Variants in CDK15 observed in about 807,000 individuals in gnomAD.
The protein encoded by CDK15 is cyclin-dependent kinase 15.
CDK15 carries 62 observed loss-of-function variants against 60.3 expected under a neutral mutation model. That is an observed-to-expected ratio of 1.03 (90% confidence interval 0.84 to 1.27). The LOEUF is 1.27. Ranked by LOEUF, CDK15 falls within the 50% of genes most tolerant of loss-of-function variation. The pLI is 0.00. For missense variants in CDK15, 541 were observed against 527.8 expected, an observed-to-expected ratio of 1.03 and a Z score of -0.25; for synonymous variants, 194 against 195.7, an observed-to-expected ratio of 0.99 and a Z score of 0.07.
At chr2:201,876,604 T>C (rs1308698057) in intron 11 of CDK15, 2 of 1,286,120 alleles carry the variant, frequency 1.6e-6, no homozygotes, top group South Asian at 1.2e-5. Context: ...AGTGCAGCAG[T>C]CATAGTTCAG....
At position 201,832,259 on chromosome 2, in the gene CDK15, TG is replaced by T. The variant is rs546781983; in HGVS notation, c.607-1587del. Among the ~76,000 whole-genome samples the T allele has an allele frequency of 1.1e-4, 16 of 152,338 alleles. No homozygotes were observed. The South Asian group carries it at 3.3e-3, about 32-fold the overall frequency. On this transcript the variant is annotated intron_variant, in intron 6 of 13. Coordinates refer to ENST00000652192, the MANE Select transcript of CDK15 (RefSeq NM_001366386.2). ...TGGAGTTTCACCACATTGGCCAGGC[TG>T]GTCTCGAACTCCTGACCTCAGGTGA... is the stretch of plus-strand genomic sequence containing the variant.
rs145862073 is a variant in CDK15 at position 201,829,681 on chromosome 2, G to C, written c.607-4167G>C. 1.3e-3 allele frequency among the ~76,000 whole-genome samples: 205 copies of C among 152,288 alleles called. 3 individuals carry two copies. In the East Asian group the frequency reaches 0.037, roughly 28 times the overall value. On this transcript the variant is annotated intron_variant, in intron 6 of 13. Transcript: ENST00000652192. ...GAATACGGTTGTTCATTAGAGCACT[G>C]TCAGTGGGTAAGATAGCTAAGGGAG...
At chr2:201,865,193 G>A (rs1344468841) in intron 10 of CDK15, among the ~76,000 whole-genome samples, 1 of 152,170 alleles carries the variant, frequency 6.6e-6, no homozygotes, top group East Asian at 1.9e-4. Context: ...AATATTTGTG[G>A]AGACTACAAG....
At chr2:201,824,266 C>T (rs1435343623) in intron 6 of CDK15, among the ~76,000 whole-genome samples, 1 of 151,990 alleles carries the variant, frequency 6.6e-6, no homozygotes, top group Non-Finnish European at 1.5e-5. Context: ...TTTTCATTCC[C>T]TAAGGTTTTA....
Position 201,822,819 on chromosome 2 carries a change from G to A in CDK15, c.459G>A (p.Leu153=). ...PFTAIREASL[L]KGLKHANIVL... is the part of the protein sequence containing the mutation. ...GTTTAATTTTTCTAGCTTCTCTCCT[G>A]AAGGGTTTGAAACATGCCAATATTG... The change falls in exon 5 of 14, where the codon CTG becomes CTA. Residue 153 remains leucine, a synonymous_variant. Transcript: ENST00000652192. 1.2e-6 allele frequency: 2 copies of A among 1,605,204 alleles called. No individual in the cohort carries two copies. The highest frequency in any genetic ancestry group is 1.7e-6 in the Non-Finnish European group (2 of 1,172,262).
At chr2:201,849,692 T>C (rs958410827) in intron 9 of CDK15, among the ~76,000 whole-genome samples, 2 of 152,236 alleles carry the variant, frequency 1.3e-5, no homozygotes, top group African/African-American at 4.8e-5. Context: ...TATGTATAGA[T>C]AGTTAATATA....
chr2:201,868,841 A>G lies in CDK15; in HGVS notation c.1010-3437A>G, dbSNP rs188706680. Among the ~76,000 whole-genome samples the G allele has an allele frequency of 6.9e-4, 105 of 152,348 alleles. 1 individual carries two copies. The East Asian group carries it at 0.02, about 29-fold the overall frequency. The stretch of plus-strand genomic sequence containing the variant: ...AAACCACAATGAGATACCATCTCCC[A>G]CCAGTTAGAATGGCAATCATTAAAA... On this transcript the variant is annotated intron_variant, in intron 10 of 13. Coordinates refer to ENST00000652192, the MANE Select transcript of CDK15 (RefSeq NM_001366386.2).
intron 8 of CDK15, among the ~76,000 whole-genome samples, chr2:201,845,680 A>G (rs567164935): frequency 2.6e-5 from 4 of 151,992 alleles, no homozygotes; most frequent in Admixed American, 6.5e-5. Flanking sequence ...ATTAAGGACC[A>G]TATTTTAAAA....
At chr2:201,875,625 A>G (rs2105824363) in intron 11 of CDK15, among the ~76,000 whole-genome samples, 1 of 152,356 alleles carries the variant, frequency 6.6e-6, no homozygotes, top group South Asian at 2.1e-4. Flanking sequence ...GATAACAGCC[A>G]GTAAAATAAT....
Position 201,833,981 on chromosome 2 carries a change from C to T in CDK15, c.730+10C>T, listed in dbSNP as rs763045500. On this transcript the variant is annotated intron_variant, in intron 7 of 13. Transcript: ENST00000652192. ...AAACTGGCTGATTTTGGTAAGTCGC[C>T]CCTCGGGTCTCATTCTGGGCTGTGA... 1.1e-5 allele frequency: 17 copies of T among 1,612,766 alleles called. No homozygotes were observed. Among genetic ancestry groups the T allele is most frequent in the Non-Finnish European group, 1.4e-5 (17 of 1,179,340 alleles).
chr2:201,876,576 AAGG>A lies in CDK15; in HGVS notation c.1059-3449_1059-3447del, dbSNP rs779963277. 23 of 1,288,166 alleles carry A rather than the reference AAGG, an allele frequency of 1.8e-5. No homozygotes were observed. The South Asian group carries it at 2.8e-4, about 16-fold the overall frequency. The allele number at this position is 1,288,166 out of a possible 1,614,324, so 79.8% of individuals were successfully genotyped here. On this transcript the variant is annotated intron_variant, in intron 11 of 13. Transcript: ENST00000652192. ...GCCCTGGTGACCACCTCTACCGGCG[AAGG>A]AGAAGGAGAAGCAAAGTGCAGCAGT... is the stretch of plus-strand genomic sequence containing the variant.
intron 10 of CDK15, among the ~76,000 whole-genome samples, chr2:201,866,553 G>A (rs778243028): frequency 2.5e-4 from 38 of 152,226 alleles, no homozygotes; most frequent in Admixed American, 4.6e-4. Context: ...GAACTCAAAT[G>A]AGAACTCTTT....
chr2:201,808,052 C>G lies in CDK15; in HGVS notation c.368+100C>G. The G allele has an allele frequency of 3.0e-6, 3 of 993,172 alleles. No homozygotes were observed. In the Admixed American group the frequency reaches 7.2e-5, roughly 24 times the overall value. 61.5% of individuals were successfully genotyped at this position (993,172 alleles called of 1,614,324 possible). On this transcript the variant is annotated intron_variant, in intron 3 of 13. Coordinates refer to ENST00000652192, the MANE Select transcript of CDK15 (RefSeq NM_001366386.2). ...TGAGACATCATAGAAGTTCATAGCA[C>G]TCAGGACCTGTGCAAGACACCATGG...
At chr2:201,889,849 A>T (rs992672662) in intron 12 of CDK15, among the ~76,000 whole-genome samples, 1 of 152,056 alleles carries the variant, frequency 6.6e-6, no homozygotes, top group Non-Finnish European at 1.5e-5. Flanking sequence ...CAGGAGTTCA[A>T]GACCAGCCTG....
At chr2:201,863,611 G>A (rs1698488487) in intron 10 of CDK15, among the ~76,000 whole-genome samples, 1 of 152,008 alleles carries the variant, frequency 6.6e-6, no homozygotes, top group Non-Finnish European at 1.5e-5. Flanking sequence ...CAGCACTTTG[G>A]GAGGCCGAGG....
chr2:201,807,869 C>G lies in CDK15; in HGVS notation c.285C>G (p.Leu95=). ...TTCCCCTAGAGCAGAGGAAGAGCCT[C>G]CCTTTTGGGGCAGCCTCATCTTACT... is the stretch of plus-strand genomic sequence containing the variant. ...LRQGFQWRKS[L]PFGAASSYLN... Residue 95 remains leucine (L), a synonymous_variant, in exon 3 of 14, where the codon CTC becomes CTG. Transcript: ENST00000652192. The G allele has an allele frequency of 6.2e-7, 1 of 1,613,766 alleles. No individual in the cohort carries two copies. Among genetic ancestry groups the G allele is most frequent in the Non-Finnish European group, 8.5e-7 (1 of 1,179,860 alleles).
At chr2:201,866,293 C>T (rs1698630841) in intron 10 of CDK15, among the ~76,000 whole-genome samples, 1 of 152,056 alleles carries the variant, frequency 6.6e-6, no homozygotes, top group African/African-American at 2.4e-5. Flanking sequence ...TTACCTTGAG[C>T]TGAGACTCAG....
In CDK15 at chr2:201,825,870, A is replaced by T. The variant is rs187852549; in HGVS notation, c.606+2143A>T. Among the ~76,000 whole-genome samples, 289 of 152,342 alleles carry T rather than the reference A, an allele frequency of 1.9e-3. 2 individuals are homozygous for T. The highest frequency in any genetic ancestry group is 6.8e-3 in the African/African-American group (281 of 41,582). On this transcript the variant is annotated intron_variant, in intron 6 of 13. Transcript: ENST00000652192. ...GAAGATAAGCAGCTTGCTGATAGTTATGAAGAGAGTGGAAGGCTTCAAGGA... is the reference window on the plus strand; with the variant it reads ...GAAGATAAGCAGCTTGCTGATAGTTTTGAAGAGAGTGGAAGGCTTCAAGGA...
intron 10 of CDK15, among the ~76,000 whole-genome samples, chr2:201,855,184 T>C (rs780484846): frequency 2.0e-5 from 3 of 152,218 alleles, no homozygotes; most frequent in Non-Finnish European, 4.4e-5. Context: ...GAAATGACTA[T>C]TACTGTGGAT....
Sources: gnomAD v4.1 joint callset for allele counts (sites outside exome capture counted in the v4.1 genomes callset) on GRCh38, gnomAD v4.1.1 for gene constraint, MANE v1.5 for transcripts, NCBI Gene and HGNC (gene_info 2026-07-23, HGNC 2026-07-21) for gene names.